The following PCDH11X variants were observed in gnomAD, a reference collection of about 807,000 sequenced individuals.
The protein encoded by PCDH11X is protocadherin 11 X-linked.
PCDH11X carries 18 observed loss-of-function variants against 53.3 expected under a neutral mutation model. That is an observed-to-expected ratio of 0.34 (90% CI 0.23 to 0.50). The LOEUF (loss-of-function observed/expected upper bound fraction) is 0.50. PCDH11X is among the 20% of genes least tolerant of loss of function. The pLI is 0.98. For synonymous variants in PCDH11X, 279 were observed against 393.3 expected, an observed-to-expected ratio of 0.71 and a Z score of 3.44; for missense variants, 570 against 1,032.4, an observed-to-expected ratio of 0.55 and a Z score of 6.14.
intron 10 of PCDH11X, among the ~76,000 whole-genome samples, chrX:92,590,164 C>A (rs186995748): frequency 2.7e-5 from 3 of 109,703 alleles, no homozygotes; most frequent in Non-Finnish European, 5.7e-5. Flanking sequence ...CATTACCTGG[C>A]CACCCCCACC....
At chrX:92,147,245 G>A (rs911739776) in intron 6 of PCDH11X, among the ~76,000 whole-genome samples, 9 of 107,750 alleles carry the variant, frequency 8.4e-5, no homozygotes, top group African/African-American at 2.8e-4. Flanking sequence ...GTAATTATTT[G>A]TCTTTTTAAA....
chrX:92,256,361 G>T (rs1265683940), intron 7 of PCDH11X, among the ~76,000 whole-genome samples: 1 of 111,188 alleles, frequency 9.0e-6, no homozygotes, highest in Admixed American at 9.5e-5. Context: ...CTAGTGAGAT[G>T]AACCCGGTAC....
chrX:91,993,793 G>T (rs1240639312), intron 6 of PCDH11X, among the ~76,000 whole-genome samples: 1 of 111,499 alleles, frequency 9.0e-6, no homozygotes, highest in East Asian at 2.8e-4. Flanking sequence ...ACCTGTTAGG[G>T]TCTTCTTCCC....
intron 10 of PCDH11X, among the ~76,000 whole-genome samples, chrX:92,482,706 G>T (rs1054310820): frequency 9.2e-6 from 1 of 108,806 alleles, no homozygotes; most frequent in African/African-American, 3.3e-5. Context: ...AAGTCTTGAT[G>T]TAAATGAATA....
chrX:92,332,745 T>TAGC (rs1206592501), intron 8 of PCDH11X, among the ~76,000 whole-genome samples: 7 of 107,009 alleles, frequency 6.5e-5, no homozygotes, highest in South Asian at 4.2e-4. Context: ...GCAGCAGCAA[T>TAGC]AGCAGCAGCA....
At chrX:92,100,852 A>G (rs1281165328) in intron 6 of PCDH11X, among the ~76,000 whole-genome samples, 2 of 111,082 alleles carry the variant, frequency 1.8e-5, no homozygotes, top group African/African-American at 6.6e-5. Context: ...GGAGAGATTA[A>G]GCTGAAGGAA....
chrX:92,333,775 A>G (rs1008689597), intron 8 of PCDH11X, among the ~76,000 whole-genome samples: 2 of 110,025 alleles, frequency 1.8e-5, no homozygotes, highest in Non-Finnish European at 3.8e-5. Flanking sequence ...GTAAAGTTCA[A>G]TTAAGCAACA....
chrX:92,464,300 T>C (rs1437594535), intron 9 of PCDH11X, among the ~76,000 whole-genome samples: 1 of 111,006 alleles, frequency 9.0e-6, no homozygotes, highest in Non-Finnish European at 1.9e-5. Flanking sequence ...GTCCCCATAA[T>C]CCCCACATGT....
At chrX:92,077,567 G>C (rs1355336071) in intron 6 of PCDH11X, among the ~76,000 whole-genome samples, 1 of 109,469 alleles carries the variant, frequency 9.1e-6, no homozygotes, top group Non-Finnish European at 1.9e-5. Context: ...TCTACAGCAG[G>C]CCTCATTCCT....
At chrX:91,875,590 C>T (rs1199808690) in intron 5 of PCDH11X, among the ~76,000 whole-genome samples, 2 of 110,356 alleles carry the variant, frequency 1.8e-5, no homozygotes, top group African/African-American at 6.6e-5. Flanking sequence ...CGCTCCCGGC[C>T]GAGGGGATTG....
At chrX:92,153,381 C>T (rs1294536913) in intron 6 of PCDH11X, among the ~76,000 whole-genome samples, 2 of 110,630 alleles carry the variant, frequency 1.8e-5, no homozygotes, top group African/African-American at 3.3e-5. Flanking sequence ...TCCTATAAAA[C>T]AGAGCCGCAC....
chrX:92,276,212 T>G (rs1250592481), intron 8 of PCDH11X, among the ~76,000 whole-genome samples: 10 of 106,252 alleles, frequency 9.4e-5, no homozygotes, highest in Non-Finnish European at 1.6e-4. Context: ...TAATGTGGAG[T>G]GGGTAGCCTC....
intron 6 of PCDH11X, among the ~76,000 whole-genome samples, chrX:92,107,763 G>A (rs12832137): frequency 1.8e-5 from 2 of 111,246 alleles, no homozygotes; most frequent in African/African-American, 3.3e-5. Context: ...ATATAAAACC[G>A]AGCTGTACCC....
At chrX:91,824,503 T>C (rs1327310078) in intron 4 of PCDH11X, among the ~76,000 whole-genome samples, 9 of 111,284 alleles carry the variant, frequency 8.1e-5, no homozygotes, top group Admixed American at 9.6e-5. Context: ...ACGTATTTCT[T>C]GAGCCTTGGT....
intron 10 of PCDH11X, among the ~76,000 whole-genome samples, chrX:92,609,691 C>T (rs1289349242): frequency 2.7e-5 from 3 of 110,133 alleles, no homozygotes; most frequent in Non-Finnish European, 3.8e-5. Context: ...TATTGGGTGA[C>T]GCTGAGGTTT....
intron 10 of PCDH11X, among the ~76,000 whole-genome samples, chrX:92,563,897 A>G (rs1183260148): frequency 1.8e-5 from 2 of 111,164 alleles, no homozygotes; most frequent in African/African-American, 6.5e-5. Flanking sequence ...CGAGGAAACT[A>G]CTAGAACTGA....
intron 6 of PCDH11X, among the ~76,000 whole-genome samples, chrX:92,068,102 A>C (rs1312028801): frequency 3.6e-5 from 4 of 110,025 alleles, no homozygotes; most frequent in Non-Finnish European, 7.6e-5. Context: ...AAAGAAACCA[A>C]CTTTTCATTT....
intron 6 of PCDH11X, among the ~76,000 whole-genome samples, chrX:92,119,488 C>CT (rs2064709985): frequency 9.0e-6 from 1 of 110,547 alleles, no homozygotes; most frequent in African/African-American, 3.3e-5. Context: ...ATGTCACATA[C>CT]TTTTTGAAGT....
intron 6 of PCDH11X, among the ~76,000 whole-genome samples, chrX:92,140,767 C>A (rs1185983093): frequency 9.0e-6 from 1 of 111,335 alleles, no homozygotes; most frequent in Non-Finnish European, 1.9e-5. Context: ...TGTAAAGACT[C>A]GTTGCTCAAA....
Sources: allele counts gnomAD v4.1 joint callset (sites outside exome capture counted in the v4.1 genomes callset), GRCh38; gene constraint gnomAD v4.1.1; transcripts MANE v1.5; gene names NCBI Gene and HGNC (gene_info 2026-07-23, HGNC 2026-07-21).